The following CTNNA2 variants were observed in gnomAD, a reference collection of about 807,000 sequenced individuals.
CTNNA2 encodes the protein catenin alpha 2, also known as catenin alpha-2.
In CTNNA2, 42 loss-of-function variants were observed where a neutral mutation model predicts 101.0. The ratio of observed to expected loss-of-function variants is 0.42; its 90% CI spans 0.32 to 0.54. CTNNA2 has a LOEUF of 0.54. CTNNA2 is among the 20% of genes least tolerant of loss of function. The pLI is 0.14. For synonymous variants in CTNNA2, 450 were observed against 456.4 expected (o/e 0.99, Z 0.18); for missense variants, 871 against 1,223.1 (o/e 0.71, Z 4.29).
intron 2 of CTNNA2, among the ~76,000 whole-genome samples, chr2:79,264,625 G>A (rs1255644225): frequency 6.6e-6 from 1 of 152,020 alleles, no homozygotes; most frequent in Non-Finnish European, 1.5e-5. Flanking sequence ...CAAAGCCGTA[G>A]AACAAAATCT....
At chr2:79,211,706 C>T (rs991317979) in intron 2 of CTNNA2, among the ~76,000 whole-genome samples, 4 of 152,126 alleles carry the variant, frequency 2.6e-5, no homozygotes, top group Admixed American at 6.5e-5. Flanking sequence ...TGGATGTGTA[C>T]GTGCAGGTCA....
At position 79,391,555 on chromosome 2, in the gene CTNNA2, G is replaced by T. The variant is rs78992262; in HGVS notation, c.-135+17542G>T. ...AAAAATTATATGTGGACTTTCAACTGTTGGGGGATGGCACCCCTAACCCCT... is the reference window on the plus strand; with the variant it reads ...AAAAATTATATGTGGACTTTCAACTTTTGGGGGATGGCACCCCTAACCCCT... On this transcript the variant is annotated intron_variant, in intron 4 of 21. Coordinates refer to the CTNNA2 transcript ENST00000466387. Among the ~76,000 whole-genome samples, 2,691 of 152,234 alleles carry T rather than the reference G, an allele frequency of 0.018. 168 individuals are homozygous for T. The East Asian group carries it at 0.21, about 12-fold the overall frequency.
intron 1 of CTNNA2, among the ~76,000 whole-genome samples, chr2:79,641,136 G>T (rs1237572677): frequency 6.6e-6 from 1 of 152,154 alleles, no homozygotes; most frequent in African/African-American, 2.4e-5. Flanking sequence ...TGGAATATCT[G>T]CCTGGTTACA....
intron 3 of CTNNA2, among the ~76,000 whole-genome samples, chr2:79,826,186 A>G (rs925940528): frequency 6.6e-6 from 1 of 152,234 alleles, no homozygotes; most frequent in African/African-American, 2.4e-5. Flanking sequence ...AAGAAAAAAA[A>G]CAGTAATTAG....
intron 7 of CTNNA2, among the ~76,000 whole-genome samples, chr2:79,924,704 T>C (rs1174250020): frequency 6.6e-6 from 1 of 151,992 alleles, no homozygotes; most frequent in Non-Finnish European, 1.5e-5. Flanking sequence ...TCAAAGTGAG[T>C]TGAGATTTTG....
At chr2:80,023,102 A>G (rs1694689306) in intron 7 of CTNNA2, among the ~76,000 whole-genome samples, 1 of 152,228 alleles carries the variant, frequency 6.6e-6, no homozygotes, top group African/African-American at 2.4e-5. Context: ...ATGTCATCCA[A>G]AACTTTCACT....
intron 7 of CTNNA2, among the ~76,000 whole-genome samples, chr2:80,283,554 C>T (rs553372553): frequency 6.6e-6 from 1 of 152,056 alleles, no homozygotes; most frequent in Non-Finnish European, 1.5e-5. Context: ...GAGATAGAAC[C>T]TGAATGTGTT....
At chr2:80,407,153 A>G (rs1679144411) in intron 8 of CTNNA2, among the ~76,000 whole-genome samples, 2 of 152,182 alleles carry the variant, frequency 1.3e-5, no homozygotes, top group South Asian at 4.1e-4. Context: ...CACTAGAATA[A>G]CCTTTGCTTT....
At chr2:79,414,722 G>T (rs1678458510) in intron 4 of CTNNA2, among the ~76,000 whole-genome samples, 1 of 151,962 alleles carries the variant, frequency 6.6e-6, no homozygotes. Flanking sequence ...TATAATACCA[G>T]ATGCAAAAGC....
At chr2:80,200,434 A>G (rs1027607916) in intron 7 of CTNNA2, among the ~76,000 whole-genome samples, 1 of 152,180 alleles carries the variant, frequency 6.6e-6, no homozygotes, top group Non-Finnish European at 1.5e-5. Context: ...TTCAGGGAAA[A>G]TCACCATACT....
intron 7 of CTNNA2, among the ~76,000 whole-genome samples, chr2:80,194,839 G>A (rs1421595766): frequency 6.6e-6 from 1 of 150,672 alleles, no homozygotes; most frequent in Admixed American, 6.6e-5. Flanking sequence ...ATTTATGTAT[G>A]TGTGTGTGTG....
At chr2:80,260,637 A>C (rs1390138924) in intron 7 of CTNNA2, among the ~76,000 whole-genome samples, 3 of 152,212 alleles carry the variant, frequency 2.0e-5, no homozygotes, top group African/African-American at 7.2e-5. Flanking sequence ...AAGAATGCAG[A>C]GACACCAAGA....
chr2:80,238,325 A>G (rs748170287), intron 7 of CTNNA2, among the ~76,000 whole-genome samples: 2 of 151,926 alleles, frequency 1.3e-5, no homozygotes, highest in Non-Finnish European at 2.9e-5. Context: ...AAAGACTTCC[A>G]CTCTGCAGTT....
chr2:80,079,649 T>C (rs1003327431), intron 7 of CTNNA2, among the ~76,000 whole-genome samples: 1 of 151,590 alleles, frequency 6.6e-6, no homozygotes, highest in African/African-American at 2.4e-5. Flanking sequence ...CCGTGTCTAC[T>C]AAAAATACAA....
chr2:79,485,534 A>G (rs534502826), intron 4 of CTNNA2, among the ~76,000 whole-genome samples: 27 of 152,306 alleles, frequency 1.8e-4, no homozygotes, highest in Middle Eastern at 6.8e-3. Context: ...CATTCAAATG[A>G]CCAGATTAAA....
At chr2:80,144,074 A>C (rs1573212083) in intron 7 of CTNNA2, among the ~76,000 whole-genome samples, 1 of 152,192 alleles carries the variant, frequency 6.6e-6, no homozygotes, top group Non-Finnish European at 1.5e-5. Context: ...CTGCCTTGTT[A>C]GGTTTTTGTC....
intron 7 of CTNNA2, among the ~76,000 whole-genome samples, chr2:80,156,226 C>T (rs1703991507): frequency 6.6e-6 from 1 of 152,194 alleles, no homozygotes; most frequent in Non-Finnish European, 1.5e-5. Context: ...TCTAGCCAAT[C>T]ATTTGAAACT....
intron 2 of CTNNA2, among the ~76,000 whole-genome samples, chr2:79,243,881 A>G (rs1199146811): frequency 6.6e-6 from 1 of 152,170 alleles, no homozygotes; most frequent in African/African-American, 2.4e-5. Context: ...CATTTTTGCA[A>G]CAGGAAATTT....
chr2:79,970,426 G>A (rs1400751834), intron 7 of CTNNA2, among the ~76,000 whole-genome samples: 1 of 152,026 alleles, frequency 6.6e-6, no homozygotes. Flanking sequence ...AATATTTCTG[G>A]CCTTCTAGAA....
Sources: gnomAD v4.1 joint callset for allele counts (sites outside exome capture counted in the v4.1 genomes callset) on GRCh38, gnomAD v4.1.1 for gene constraint, MANE v1.5 for transcripts, NCBI Gene and HGNC (gene_info 2026-07-23, HGNC 2026-07-21) for gene names.